The following PHF3 variants were observed in gnomAD, a reference collection of about 807,000 sequenced individuals.
The protein encoded by PHF3 is PHD finger protein 3.
A neutral mutation model predicts 178.4 loss-of-function variants in PHF3; 41 were observed. That is an observed-to-expected ratio of 0.23 (90% CI 0.18 to 0.30). The LOEUF (loss-of-function observed/expected upper bound fraction) is 0.30, where lower values mean the gene tolerates loss of function less well. Ranked by LOEUF, PHF3 falls within the 10% of genes least tolerant of loss-of-function variation. The pLI, the probability that PHF3 is intolerant of heterozygous loss-of-function variation, is 1.00. For missense variants in PHF3, 2,346 were observed against 2,398.1 expected (o/e 0.98, Z 0.45); for synonymous variants, 842 against 800.5 (o/e 1.05, Z -0.88).
At chr6:63,641,769 G>T (rs1764587858) in intron 1 of PHF3, among the ~76,000 whole-genome samples, 1 of 151,754 alleles carries the variant, frequency 6.6e-6, no homozygotes, top group Non-Finnish European at 1.5e-5. Context: ...TCGGATTACA[G>T]GCATGCACCA....
rs983096966 is a variant in PHF3, at chr6:63,712,861, C to T, written c.5273C>T (p.Ser1758Leu). The change falls in exon 16 of 16, where the codon TCA becomes TTA. Residue 1758 changes from serine (S) to leucine (L), a missense_variant. By Grantham distance (145) the Ser-to-Leu change is moderately radical. This residue lies in a region of PHF3 where 839 missense variants were observed against 806.9 expected (regional missense o/e 1.04). Transcript: ENST00000262043. Reference protein sequence around the residue: ...IETVHPFRRGSAVATSHFEVG... With the variant: ...IETVHPFRRGLAVATSHFEVG... ...ACTGTGCACCCATTTCGAAGAGGAT[C>T]AGCAGTAGCGACATCTCATTTTGAA... The T allele has an allele frequency of 6.2e-7, 1 of 1,613,892 alleles. No individual in the cohort carries two copies. Among genetic ancestry groups the T allele is most frequent in the Non-Finnish European group, 8.5e-7 (1 of 1,179,956 alleles).
Position 63,700,388 on chromosome 6 carries a change from TG to T in PHF3, c.3022del (p.Asp1008IlefsTer6). 1 of 1,596,820 alleles carries T rather than the reference TG, an allele frequency of 6.3e-7. No individual in the cohort carries two copies. Among genetic ancestry groups the T allele is most frequent in the South Asian group, 1.1e-5 (1 of 89,342 alleles). ...KKVLKGEVTP[D>X]HLIRMSPEEL... Reference sequence around the variant, plus strand: ...AAGTACTGAAAGGAGAAGTAACTCCTGATCATCTTATCAGAATGAGTCCAGA... The same window carrying T: ...AAGTACTGAAAGGAGAAGTAACTCCTATCATCTTATCAGAATGAGTCCAGA... On this transcript the variant is annotated frameshift_variant, in exon 9 of 16. Transcript: ENST00000262043. LOFTEE classifies it high-confidence loss of function.
chr6:63,663,749 A>G (rs1225970253), intron 2 of PHF3, among the ~76,000 whole-genome samples: 1 of 152,180 alleles, frequency 6.6e-6, no homozygotes, highest in Non-Finnish European at 1.5e-5. Context: ...GAAGTGACTG[A>G]GAGCTAGTAT....
intron 3 of PHF3, among the ~76,000 whole-genome samples, chr6:63,682,501 G>A (rs1287032582): frequency 4.6e-5 from 7 of 151,928 alleles, no homozygotes; most frequent in Admixed American, 6.6e-5. Context: ...AAAATGTCCC[G>A]CTGTTATAGC....
intron 13 of PHF3, among the ~76,000 whole-genome samples, chr6:63,707,311 T>G (rs1378791521): frequency 1.3e-5 from 2 of 152,220 alleles, no homozygotes; most frequent in African/African-American, 2.4e-5. Context: ...CCTGCCTATT[T>G]CTGTGAATGT....
Position 63,684,839 on chromosome 6 carries a change from T to C in PHF3, c.1117T>C (p.Cys373Arg). ...TAGTTGTGTAGATGAAGTGACTGAA[T>C]GTAATTTGGAATTGAAGGATACCAT... ...LPSCVDEVTE[C>R]NLELKDTMGI... Residue 373 changes from cysteine (C) to arginine (R), a missense_variant, in exon 4 of 16, where the codon TGT (cysteine) becomes CGT (arginine). Cys to Arg is a radical substitution (Grantham distance 180). This residue lies in a region of PHF3 where 843 missense variants were observed against 795.2 expected (regional missense o/e 1.06). Coordinates refer to ENST00000262043, the MANE Select transcript of PHF3 (RefSeq NM_001370348.2). The C allele has an allele frequency of 6.2e-7, 1 of 1,613,536 alleles. No individual in the cohort carries two copies. The highest frequency in any genetic ancestry group is 8.5e-7 in the Non-Finnish European group (1 of 1,179,742).
At chr6:63,710,904 C>A (rs373638089) in intron 14 of PHF3, among the ~76,000 whole-genome samples, 4 of 152,106 alleles carry the variant, frequency 2.6e-5, no homozygotes, top group African/African-American at 9.7e-5. Flanking sequence ...TCAAAAAAGT[C>A]ATTAATCACC....
rs1582082646 is a variant in PHF3, at chr6:63,688,278, C to A, written c.2189+2367C>A. ...CTCCTCCCCCCTCCCCTCCTCCCCC[C>A]TCCCCTTCCCCTTCCGTTCCCCTCC... On this transcript the variant is annotated intron_variant, in intron 4 of 15. Coordinates refer to ENST00000262043, the MANE Select transcript of PHF3 (RefSeq NM_001370348.2). Among the ~76,000 whole-genome samples, 4 of 6,720 alleles carry A rather than the reference C, an allele frequency of 6.0e-4. 1 individual carries two copies. Among genetic ancestry groups the A allele is most frequent in the Non-Finnish European group, 1.2e-3 (3 of 2,464 alleles). 4.4% of individuals were successfully genotyped at this position (6,720 alleles called of 152,430 possible).
chr6:63,636,561 T>C (rs374970575), intron 1 of PHF3: 1 of 152,138 alleles, frequency 6.6e-6, no homozygotes, highest in South Asian at 2.1e-4. Flanking sequence ...GATCCGGCCG[T>C]TGGGGCCTCT....
At chr6:63,668,404 GC>G (rs1391816368) in intron 2 of PHF3, among the ~76,000 whole-genome samples, 1 of 152,170 alleles carries the variant, frequency 6.6e-6, no homozygotes, top group Non-Finnish European at 1.5e-5. Flanking sequence ...CGTGATCATG[GC>G]TCACTACAGC....
intron 2 of PHF3, among the ~76,000 whole-genome samples, chr6:63,669,293 A>G (rs1425610352): frequency 1.3e-5 from 2 of 152,234 alleles, no homozygotes; most frequent in East Asian, 3.8e-4. Context: ...TTGATTTAGT[A>G]GTCTTGGGAA....
At chr6:63,639,766 A>T (rs890538726) in intron 1 of PHF3, among the ~76,000 whole-genome samples, 1 of 152,188 alleles carries the variant, frequency 6.6e-6, no homozygotes, top group Non-Finnish European at 1.5e-5. Context: ...TGCATACGAT[A>T]CACAGGGCCT....
At chr6:63,641,990 T>C (rs945166176) in intron 1 of PHF3, among the ~76,000 whole-genome samples, 17 of 152,180 alleles carry the variant, frequency 1.1e-4, no homozygotes, top group Admixed American at 1.1e-3. Flanking sequence ...GTTCTATTAA[T>C]ACTTGAAACA....
chr6:63,684,079 A>T (rs1237949807), intron 3 of PHF3, 50 bp from the exon 4 acceptor site: 1 of 1,357,674 alleles, frequency 7.4e-7, no homozygotes, highest in Non-Finnish European at 1.0e-6. Context: ...AAATAAAAGC[A>T]CATGACAAAA....
chr6:63,647,387 A>G (rs890301501), intron 2 of PHF3, among the ~76,000 whole-genome samples: 6 of 152,188 alleles, frequency 3.9e-5, no homozygotes, highest in East Asian at 3.8e-4. Flanking sequence ...GTCGCTTGCA[A>G]TGAGTCTGGT....
chr6:63,712,099 A>G lies in PHF3; in HGVS notation c.4511A>G (p.Asn1504Ser). Residue 1504 changes from asparagine to serine, a missense_variant, in exon 16 of 16, where the codon AAC (asparagine) becomes AGC (serine). By Grantham distance (46) the Asn-to-Ser change is conservative (BLOSUM62 1). Coordinates refer to ENST00000262043, the MANE Select transcript of PHF3 (RefSeq NM_001370348.2). ...KEIPFLNEQT[N>S]SKIEKTDNVE... Reference sequence around the variant, plus strand: ...ATTCCATTTTTAAATGAGCAGACCAACTCAAAAATAGAGAAAACAGATAAT... The same window carrying G: ...ATTCCATTTTTAAATGAGCAGACCAGCTCAAAAATAGAGAAAACAGATAAT... 1 of 1,613,698 alleles carries G rather than the reference A, an allele frequency of 6.2e-7. No individual in the cohort carries two copies. Among genetic ancestry groups the G allele is most frequent in the Non-Finnish European group, 8.5e-7 (1 of 1,179,940 alleles).
rs375448416 is a variant in PHF3, at chr6:63,685,351, G to A, written c.1629G>A (p.Arg543=). 98 of 1,613,972 alleles carry A rather than the reference G, an allele frequency of 6.1e-5. 2 individuals are homozygous for A. In the East Asian group the frequency reaches 1.5e-3, roughly 25 times the overall value. ...CAGAATCTCAGCAAAATTTTCATAG[G>A]CCAGTCAAAGTCAGAAAAAAACAAA... The part of the protein sequence containing the change: ...DVPESQQNFH[R]PVKVRKKQID... Residue 543 remains arginine (R), a synonymous_variant, in exon 4 of 16, where the codon AGG becomes AGA. Coordinates refer to ENST00000262043, the MANE Select transcript of PHF3 (RefSeq NM_001370348.2).
At position 63,716,660 on chromosome 6, in the gene PHF3, C is replaced by CT. The variant is rs1768198744; in HGVS notation, c.*2955dup. On this transcript the variant is annotated 3_prime_UTR_variant, in exon 16 of 16. Transcript: ENST00000262043. ...GCAAGATGCATTCATTTTCTGGAGA[C>CT]TTTCAGGGAGATTCCTTTTTTTTTG... 6.6e-6 allele frequency among the ~76,000 whole-genome samples: 1 copy of CT among 151,920 alleles called. No individual in the cohort carries two copies. The highest frequency in any genetic ancestry group is 1.9e-4 in the East Asian group (1 of 5,182).
Position 63,716,380 on chromosome 6 carries a change from C to G in PHF3, c.*2672C>G, listed in dbSNP as rs1172415922. Among the ~76,000 whole-genome samples, 1 of 152,146 alleles carries G rather than the reference C, an allele frequency of 6.6e-6. No individual in the cohort carries two copies. The highest frequency in any genetic ancestry group is 1.5e-5 in the Non-Finnish European group (1 of 68,000). On this transcript the variant is annotated 3_prime_UTR_variant, in exon 16 of 16. Coordinates refer to ENST00000262043, the MANE Select transcript of PHF3 (RefSeq NM_001370348.2). ...CCCTCTTTCTTTGCGTTCCACTGAA[C>G]TGTCTGAAACCCTTCACTGAGCAAC... is the stretch of plus-strand genomic sequence containing the variant.
Sources: allele counts gnomAD v4.1 joint callset (sites outside exome capture counted in the v4.1 genomes callset), GRCh38; gene constraint gnomAD v4.1.1; regional missense constraint gnomAD v4.1.1; transcripts MANE v1.5; gene names NCBI Gene and HGNC (gene_info 2026-07-23, HGNC 2026-07-21).